FGF2: variants seen among roughly 807,000 people sequenced by gnomAD.
The protein encoded by FGF2 is basic fibroblast growth factor bFGF.
Under a neutral mutation model 15.9 loss-of-function variants are expected in FGF2, and 13 were observed. The observed-to-expected ratio is 0.82, with a 90% CI of 0.53 to 1.30. The LOEUF is 1.30. FGF2 is among the 50% of genes most tolerant of loss of function. The pLI is 0.00. For synonymous variants in FGF2, 90 were observed against 78.4 expected, an observed-to-expected ratio of 1.15 and a Z score of -0.78; for missense variants, 163 against 196.9, an observed-to-expected ratio of 0.83 and a Z score of 1.03.
chr4:122,865,666 T>C (rs1406452570), intron 1 of FGF2, among the ~76,000 whole-genome samples: 2 of 152,254 alleles, frequency 1.3e-5, no homozygotes, highest in African/African-American at 4.8e-5. Flanking sequence ...CTAACATTTC[T>C]ACTTTAATAC....
rs1219757832 is a variant in FGF2, at chr4:122,895,092, T to C, written c.*2696T>C. On this transcript the variant is annotated 3_prime_UTR_variant, in exon 3 of 3. Transcript: ENST00000644866. ...AATCACTAACTGACTGAAAATTGAA[T>C]GGGCAAATAAGTGCTTTTGTCTCCA... 3 of 152,346 alleles carry C rather than the reference T, an allele frequency of 2.0e-5. No homozygotes were observed. Among genetic ancestry groups the C allele is most frequent in the East Asian group, 1.9e-4 (1 of 5,188 alleles). The allele number at this position is 152,346 out of a possible 1,614,324, so 9.4% of individuals were successfully genotyped here. A position where few individuals can be genotyped will look rare whatever the true frequency, so the allele number is the denominator to read the frequency against.
At chr4:122,842,199 A>G (rs375711148) in intron 1 of FGF2, among the ~76,000 whole-genome samples, 1 of 152,066 alleles carries the variant, frequency 6.6e-6, no homozygotes, top group Non-Finnish European at 1.5e-5. Context: ...GGGAAATACT[A>G]TTTATGGAAG....
intron 1 of FGF2, among the ~76,000 whole-genome samples, chr4:122,875,732 G>A (rs775046352): frequency 1.9e-4 from 29 of 152,318 alleles, no homozygotes; most frequent in Non-Finnish European, 3.5e-4. Flanking sequence ...GTGTGAACCT[G>A]GGAGGCAGAG....
At chr4:122,870,304 T>C (rs1400763476) in intron 1 of FGF2, among the ~76,000 whole-genome samples, 1 of 152,214 alleles carries the variant, frequency 6.6e-6, no homozygotes, top group Non-Finnish European at 1.5e-5. Flanking sequence ...CTTTGTTCTG[T>C]CTCTTCTTGG....
At chr4:122,863,057 C>A (rs1726504275) in intron 1 of FGF2, among the ~76,000 whole-genome samples, 1 of 152,118 alleles carries the variant, frequency 6.6e-6, no homozygotes, top group African/African-American at 2.4e-5. Context: ...CACAGAAAAT[C>A]ACGTTTAAAA....
intron 1 of FGF2, among the ~76,000 whole-genome samples, chr4:122,839,960 A>G (rs1725943733): frequency 2.0e-5 from 3 of 151,904 alleles, no homozygotes; most frequent in South Asian, 2.1e-4. Context: ...GTCGATGGCC[A>G]CTCTCTAGCT....
chr4:122,891,950 A>G (rs892116489), intron 2 of FGF2, among the ~76,000 whole-genome samples: 1 of 152,100 alleles, frequency 6.6e-6, no homozygotes, highest in Non-Finnish European at 1.5e-5. Flanking sequence ...GAGCTGGAGA[A>G]TTGTCTCTGA....
intron 2 of FGF2, among the ~76,000 whole-genome samples, chr4:122,879,819 C>G (rs1027736162): frequency 6.6e-6 from 1 of 152,150 alleles, no homozygotes; most frequent in Non-Finnish European, 1.5e-5. Flanking sequence ...CTTACTATCA[C>G]AAGAACAGCA....
At chr4:122,866,645 A>G (rs1470106181) in intron 1 of FGF2, among the ~76,000 whole-genome samples, 1 of 152,226 alleles carries the variant, frequency 6.6e-6, no homozygotes, top group African/African-American at 2.4e-5. Flanking sequence ...ATTACTTCAC[A>G]CTCAACTAGG....
intron 2 of FGF2, among the ~76,000 whole-genome samples, chr4:122,891,274 T>G (rs892177289): frequency 2.0e-4 from 31 of 151,962 alleles, no homozygotes; most frequent in African/African-American, 7.5e-4. Flanking sequence ...TCTCCTGACC[T>G]CGTGATCCGC....
intron 1 of FGF2, among the ~76,000 whole-genome samples, chr4:122,842,296 T>C (rs1726005182): frequency 1.3e-5 from 2 of 152,220 alleles, no homozygotes; most frequent in Non-Finnish European, 2.9e-5. Flanking sequence ...AGGTTTCCCT[T>C]AAAAATAGAT....
chr4:122,883,150 G>A (rs1726993657), intron 2 of FGF2: 1 of 152,144 alleles, frequency 6.6e-6, no homozygotes, highest in Admixed American at 6.5e-5. Flanking sequence ...AGACTACTGT[G>A]TTATGACACA....
intron 2 of FGF2, chr4:122,890,190 A>G (rs1727138570): frequency 6.6e-6 from 1 of 152,194 alleles, no homozygotes. Flanking sequence ...GGGGTACTAA[A>G]TTTCACTAGA....
intron 1 of FGF2, among the ~76,000 whole-genome samples, chr4:122,840,049 AC>A (rs1272423993): frequency 6.6e-6 from 1 of 151,938 alleles, no homozygotes; most frequent in Non-Finnish European, 1.5e-5. Context: ...TCTTATAAAG[AC>A]CTCAGTCAGA....
chr4:122,849,655 G>T (rs1726186193), intron 1 of FGF2, among the ~76,000 whole-genome samples: 1 of 152,156 alleles, frequency 6.6e-6, no homozygotes, highest in Non-Finnish European at 1.5e-5. Context: ...GGCTAGCACA[G>T]TGTGGGTAGA....
chr4:122,859,136 G>T (rs527676007), intron 1 of FGF2, among the ~76,000 whole-genome samples: 1 of 152,212 alleles, frequency 6.6e-6, no homozygotes, highest in South Asian at 2.1e-4. Flanking sequence ...GTTTGCTTGG[G>T]TTTCAAATTA....
At chr4:122,834,701 T>G (rs1420704485) in intron 1 of FGF2, among the ~76,000 whole-genome samples, 1 of 152,218 alleles carries the variant, frequency 6.6e-6, no homozygotes, top group Non-Finnish European at 1.5e-5. Flanking sequence ...CTCTTGCCTT[T>G]AGCTTTCAAG....
In FGF2 at chr4:122,856,584, G is replaced by A. The variant is rs985303731; in HGVS notation, c.179-19737G>A. Among the ~76,000 whole-genome samples, 3 of 152,314 alleles carry A rather than the reference G, an allele frequency of 2.0e-5. No homozygotes were observed. The East Asian group carries it at 5.8e-4, about 29-fold the overall frequency. On this transcript the variant is annotated intron_variant, in intron 1 of 2. Coordinates refer to ENST00000644866, the MANE Select transcript of FGF2 (RefSeq NM_001361665.2). ...ATTTAAAATATTAATTATTAAGCTA[G>A]AAGTAGAGACTTTGAACTAGTTGGC... is the stretch of plus-strand genomic sequence containing the variant.
intron 2 of FGF2, among the ~76,000 whole-genome samples, chr4:122,886,772 T>G (rs1381744373): frequency 6.6e-6 from 1 of 152,138 alleles, no homozygotes; most frequent in Non-Finnish European, 1.5e-5. Context: ...TACAAGATGC[T>G]CCAGGCTCAT....
Sources: gnomAD v4.1 joint callset for allele counts (sites outside exome capture counted in the v4.1 genomes callset) on GRCh38, gnomAD v4.1.1 for gene constraint, MANE v1.5 for transcripts, NCBI Gene and HGNC (gene_info 2026-07-23, HGNC 2026-07-21) for gene names.